KAZN: variants seen among roughly 807,000 people sequenced by gnomAD.
The protein encoded by KAZN is kazrin, periplakin interacting protein.
Under a neutral mutation model 87.4 loss-of-function variants are expected in KAZN, and 40 were observed. The ratio of observed to expected loss-of-function variants is 0.46; its 90% CI spans 0.36 to 0.60. The LOEUF (loss-of-function observed/expected upper bound fraction) is 0.60. Ranked by LOEUF, KAZN falls within the 20% of genes least tolerant of loss-of-function variation. The pLI, the probability that KAZN is intolerant of heterozygous loss-of-function variation, is 0.00. For synonymous variants in KAZN, 466 were observed against 458.3 expected (o/e 1.02, Z -0.22); for missense variants, 898 against 1,073.9 (o/e 0.84, Z 2.29).
Position 14,917,942 on chromosome 1 carries a change from G to C in KAZN, c.227-42742G>C, listed in dbSNP as rs376209096. Among the ~76,000 whole-genome samples, 14 of 151,776 alleles carry C rather than the reference G, an allele frequency of 9.2e-5. No homozygotes were observed. The East Asian group carries it at 1.2e-3, about 13-fold the overall frequency. On this transcript the variant is annotated intron_variant, in intron 1 of 14. Coordinates refer to ENST00000376030, the MANE Select transcript of KAZN (RefSeq NM_201628.3). ...CGCCCAGGCTGGAGTGCAGTGGCGCGATCTCAGCTCACCGCAACCTCTGCC... is the reference window on the plus strand; with the variant it reads ...CGCCCAGGCTGGAGTGCAGTGGCGCCATCTCAGCTCACCGCAACCTCTGCC...
At chr1:14,158,719 C>T (rs1295342471) in intron 1 of KAZN, among the ~76,000 whole-genome samples, 6 of 152,066 alleles carry the variant, frequency 3.9e-5, no homozygotes, top group Non-Finnish European at 7.4e-5. Flanking sequence ...TTGCAGTACT[C>T]TCAGTCTGGG....
chr1:14,626,998 A>G (rs1169791437), intron 1 of KAZN, among the ~76,000 whole-genome samples: 1 of 151,914 alleles, frequency 6.6e-6, no homozygotes, highest in African/African-American at 2.4e-5. Context: ...GTAAATATTT[A>G]TTACTTGGTA....
At chr1:14,390,584 A>G (rs577299005) in intron 2 of KAZN, 2 of 152,400 alleles carry the variant, frequency 1.3e-5, no homozygotes, top group East Asian at 3.9e-4. Context: ...TGGACTCAGT[A>G]AACACCAGAG....
intron 2 of KAZN, among the ~76,000 whole-genome samples, chr1:14,341,094 T>C (rs925820093): frequency 6.6e-6 from 1 of 151,966 alleles, no homozygotes; most frequent in African/African-American, 2.4e-5. Flanking sequence ...GGTTTCACCA[T>C]GTTGGCCAGG....
intron 1 of KAZN, among the ~76,000 whole-genome samples, chr1:14,858,929 G>T (rs1244017079): frequency 2.6e-5 from 4 of 152,092 alleles, no homozygotes; most frequent in African/African-American, 7.2e-5. Flanking sequence ...CATGTATTAA[G>T]AACTGCAATT....
intron 1 of KAZN, among the ~76,000 whole-genome samples, chr1:14,104,760 G>T (rs1644332123): frequency 6.6e-6 from 1 of 152,182 alleles, no homozygotes; most frequent in Non-Finnish European, 1.5e-5. Context: ...GCAGGCGATT[G>T]ATTTCTTTTT....
intron 2 of KAZN, among the ~76,000 whole-genome samples, chr1:14,429,515 C>T (rs1053858422): frequency 2.6e-5 from 4 of 152,034 alleles, no homozygotes; most frequent in African/African-American, 4.8e-5. Context: ...TCCAAAGGGC[C>T]GGGAAGTGGC....
intron 1 of KAZN, among the ~76,000 whole-genome samples, chr1:14,137,339 T>TGGCC (rs1205723611): frequency 5.9e-5 from 9 of 152,142 alleles, no homozygotes; most frequent in African/African-American, 2.2e-4. Context: ...GTGGGTCAGG[T>TGGCC]GGCCCTACAG....
rs543680397 is a variant in KAZN, at chr1:14,762,588, G to A, written c.226+163365G>A. On this transcript the variant is annotated intron_variant, in intron 1 of 14. Coordinates refer to ENST00000376030, the MANE Select transcript of KAZN (RefSeq NM_201628.3). ...AAAATACAAAAAATTAGCCAGTCGCGGTGGCAGGCGCCTGTAGTCCCAGCT... is the reference window on the plus strand; with the variant it reads ...AAAATACAAAAAATTAGCCAGTCGCAGTGGCAGGCGCCTGTAGTCCCAGCT... Among the ~76,000 whole-genome samples, 261 of 152,246 alleles carry A rather than the reference G, an allele frequency of 1.7e-3. 1 individual carries two copies. Among genetic ancestry groups the A allele is most frequent in the Middle Eastern group, 6.8e-3 (2 of 294 alleles).
intron 2 of KAZN, among the ~76,000 whole-genome samples, chr1:14,355,303 G>A (rs1332221658): frequency 6.6e-6 from 1 of 152,008 alleles, no homozygotes; most frequent in African/African-American, 2.4e-5. Flanking sequence ...TAAGATCTAT[G>A]CATTTTACTA....
chr1:14,942,797 C>T (rs970465426), intron 1 of KAZN, among the ~76,000 whole-genome samples: 2 of 152,094 alleles, frequency 1.3e-5, no homozygotes, highest in Non-Finnish European at 2.9e-5. Context: ...TAATACCTGG[C>T]CAGAAGGGTG....
intron 2 of KAZN, among the ~76,000 whole-genome samples, chr1:14,450,802 T>C (rs1667230538): frequency 6.6e-6 from 1 of 152,130 alleles, no homozygotes; most frequent in Non-Finnish European, 1.5e-5. Context: ...GCTGCTGATA[T>C]AGTTTGGATG....
intron 2 of KAZN, among the ~76,000 whole-genome samples, chr1:14,232,220 GAAAC>G (rs1250016103): frequency 2.6e-5 from 4 of 152,188 alleles, no homozygotes; most frequent in Admixed American, 1.3e-4. Flanking sequence ...CAAAAGCAAA[GAAAC>G]AAAGTTTTAG....
chr1:14,869,634 A>G (rs748772694), intron 1 of KAZN, among the ~76,000 whole-genome samples: 2 of 152,126 alleles, frequency 1.3e-5, no homozygotes, highest in Non-Finnish European at 2.9e-5. Flanking sequence ...GGAGAGAAAT[A>G]TTGATTCTGA....
intron 1 of KAZN, among the ~76,000 whole-genome samples, chr1:14,602,284 A>C (rs968285796): frequency 1.2e-4 from 18 of 152,320 alleles, no homozygotes; most frequent in African/African-American, 4.3e-4. Context: ...ATTCTTTCGG[A>C]ATCTGTGTTG....
At chr1:14,390,526 A>T (rs983300140) in intron 2 of KAZN, among the ~76,000 whole-genome samples, 2 of 152,210 alleles carry the variant, frequency 1.3e-5, no homozygotes. Context: ...CCATGCAGGG[A>T]GAACAGCATT....
intron 1 of KAZN, among the ~76,000 whole-genome samples, chr1:14,043,055 G>A (rs1256533244): frequency 6.6e-6 from 1 of 152,002 alleles, no homozygotes; most frequent in Non-Finnish European, 1.5e-5. Flanking sequence ...ATTGAAACTT[G>A]GTACCAACTA....
chr1:14,279,307 A>C (rs1652656400), intron 2 of KAZN, among the ~76,000 whole-genome samples: 1 of 152,206 alleles, frequency 6.6e-6, no homozygotes, highest in Non-Finnish European at 1.5e-5. Context: ...CTGGGGCATT[A>C]AACTAATGTT....
chr1:14,577,267 A>T (rs1050694364), intron 2 of KAZN, among the ~76,000 whole-genome samples: 1 of 152,232 alleles, frequency 6.6e-6, no homozygotes, highest in Non-Finnish European at 1.5e-5. Context: ...ATTTTGTCAC[A>T]ATCATTGATT....
Sources: gnomAD v4.1 joint callset for allele counts (sites outside exome capture counted in the v4.1 genomes callset) on GRCh38, gnomAD v4.1.1 for gene constraint, MANE v1.5 for transcripts, NCBI Gene and HGNC (gene_info 2026-07-23, HGNC 2026-07-21) for gene names.